FAF1: variants seen among roughly 807,000 people sequenced by gnomAD.
FAF1 encodes FAS-associated factor 1.
A neutral mutation model predicts 92.5 loss-of-function variants in FAF1; 25 were observed. The observed-to-expected ratio is 0.27, with a 90% CI of 0.20 to 0.38. The LOEUF is 0.38. Ranked by LOEUF, FAF1 falls within the 10% of genes least tolerant of loss-of-function variation. The pLI is 1.00. For missense variants in FAF1, 636 were observed against 793.3 expected, an observed-to-expected ratio of 0.80 and a Z score of 2.38; for synonymous variants, 234 against 273.2, an observed-to-expected ratio of 0.86 and a Z score of 1.42.
rs11485521 is a variant in FAF1, at chr1:50,890,996, C to T, written c.46-32999G>A. On this transcript the variant is annotated intron_variant, in intron 1 of 18. Coordinates refer to ENST00000396153, the MANE Select transcript of FAF1 (RefSeq NM_007051.3). ...ATTCTCCCCGTCACTTTCAGGTACACCAATCAAACGTAGATTTGGTCTTTT... is the reference window on the plus strand; with the variant it reads ...ATTCTCCCCGTCACTTTCAGGTACATCAATCAAACGTAGATTTGGTCTTTT... Among the ~76,000 whole-genome samples the T allele has an allele frequency of 9.9e-3, 1,509 of 152,328 alleles. 23 individuals are homozygous for T. Among genetic ancestry groups the T allele is most frequent in the African/African-American group, 0.034 (1,432 of 41,556 alleles).
rs147776271 is a variant in FAF1 at position 50,757,230 on chromosome 1, T to C, written c.368-12455A>G. Among the ~76,000 whole-genome samples, 58 of 152,194 alleles carry C rather than the reference T, an allele frequency of 3.8e-4. No homozygotes were observed. The East Asian group carries it at 8.9e-3, about 23-fold the overall frequency. On this transcript the variant is annotated intron_variant, in intron 4 of 18. Coordinates refer to ENST00000396153, the MANE Select transcript of FAF1 (RefSeq NM_007051.3). ...CTTTTGCTGTTATAATGAGGAGTAT[T>C]ATATACATTTTAAGTAAGTCAAATT... is the stretch of plus-strand genomic sequence containing the variant.
chr1:50,481,222 G>T (rs966289296), intron 17 of FAF1, among the ~76,000 whole-genome samples: 2 of 152,088 alleles, frequency 1.3e-5, no homozygotes, highest in African/African-American at 4.8e-5. Context: ...ACCTAGTGTG[G>T]CCTAAGTGTA....
At chr1:50,682,801 G>A (rs979144932) in intron 7 of FAF1, among the ~76,000 whole-genome samples, 1 of 152,080 alleles carries the variant, frequency 6.6e-6, no homozygotes, top group African/African-American at 2.4e-5. Flanking sequence ...TTAGTGTTAA[G>A]ATCTGAATAT....
chr1:50,872,432 G>A (rs1026122215), intron 1 of FAF1, among the ~76,000 whole-genome samples: 2 of 152,140 alleles, frequency 1.3e-5, no homozygotes, highest in African/African-American at 4.8e-5. Flanking sequence ...TTATGGATGA[G>A]CAAAAAAAGT....
chr1:50,709,161 C>T (rs1167931682), intron 6 of FAF1, among the ~76,000 whole-genome samples: 5 of 152,192 alleles, frequency 3.3e-5, no homozygotes, highest in Non-Finnish European at 5.9e-5. Context: ...AACAAGCTCA[C>T]TACAATCTTT....
intron 12 of FAF1, among the ~76,000 whole-genome samples, chr1:50,579,242 C>A (rs1484808246): frequency 6.6e-6 from 1 of 152,056 alleles, no homozygotes; most frequent in African/African-American, 2.4e-5. Context: ...CTACGATATA[C>A]TGTATTTTTA....
intron 9 of FAF1, among the ~76,000 whole-genome samples, chr1:50,591,500 C>T (rs1008918706): frequency 6.6e-6 from 1 of 152,050 alleles, no homozygotes; most frequent in African/African-American, 2.4e-5. Context: ...GGCGAAACCT[C>T]GTCTCTACTA....
At chr1:50,600,102 C>T (rs907521539) in intron 8 of FAF1, among the ~76,000 whole-genome samples, 1 of 152,142 alleles carries the variant, frequency 6.6e-6, no homozygotes, top group African/African-American at 2.4e-5. Context: ...ACTACTACTT[C>T]AAGGAACAGG....
intron 9 of FAF1, among the ~76,000 whole-genome samples, chr1:50,594,871 C>CA (rs1179619100): frequency 4.4e-3 from 418 of 95,154 alleles, no homozygotes; most frequent in Middle Eastern, 0.012. Flanking sequence ...AACCCCATCT[C>CA]AAAAAAAAAA....
intron 6 of FAF1, among the ~76,000 whole-genome samples, chr1:50,707,411 A>G (rs1269445970): frequency 7.2e-5 from 11 of 152,006 alleles, no homozygotes; most frequent in Admixed American, 7.2e-4. Context: ...AAAATTAAGC[A>G]TAATGGGCTG....
intron 8 of FAF1, among the ~76,000 whole-genome samples, chr1:50,611,375 G>A (rs934104425): frequency 6.6e-6 from 1 of 152,122 alleles, no homozygotes; most frequent in Non-Finnish European, 1.5e-5. Context: ...ACCCTTAAAT[G>A]TGCTTCAAGC....
intron 18 of FAF1, among the ~76,000 whole-genome samples, chr1:50,457,724 C>CAAAAAAAAAAAAAAAAAAAAAAAAAAAAA (rs35479561): frequency 4.8e-4 from 27 of 56,548 alleles, no homozygotes; most frequent in Non-Finnish European, 5.7e-4. Context: ...CCCATCTCTG[C>CAAAAAAAAAAAAAAAAAAAAAAAAAAAAA]AAAAAAAAAA....
intron 15 of FAF1, among the ~76,000 whole-genome samples, chr1:50,533,570 A>C (rs1648299317): frequency 1.3e-5 from 2 of 152,184 alleles, no homozygotes. Flanking sequence ...ATACAGCGAT[A>C]AATAAACTAA....
chr1:50,959,091 C>CACCA (rs1381852545), intron 1 of FAF1, among the ~76,000 whole-genome samples: 1 of 152,188 alleles, frequency 6.6e-6, no homozygotes, highest in Admixed American at 6.5e-5. Flanking sequence ...GGAGAAAGGA[C>CACCA]ACCAACCAAG....
chr1:50,520,268 AG>A (rs2149029384), intron 15 of FAF1, among the ~76,000 whole-genome samples: 1 of 152,308 alleles, frequency 6.6e-6, no homozygotes, highest in African/African-American at 2.4e-5. Flanking sequence ...TGTAACTGGA[AG>A]AAAAATGCCA....
chr1:50,921,827 C>A (rs1378266736), intron 1 of FAF1, among the ~76,000 whole-genome samples: 1 of 151,926 alleles, frequency 6.6e-6, no homozygotes, highest in Non-Finnish European at 1.5e-5. Context: ...AGAGAGCAGA[C>A]ACACAAATGA....
chr1:50,675,198 T>C (rs1281695559), intron 7 of FAF1, among the ~76,000 whole-genome samples: 1 of 152,192 alleles, frequency 6.6e-6, no homozygotes, highest in African/African-American at 2.4e-5. Flanking sequence ...CCAGACCTTG[T>C]ACATTTTCAA....
chr1:50,472,364 AACAT>A (rs761276728), intron 18 of FAF1, among the ~76,000 whole-genome samples: 13 of 90,180 alleles, frequency 1.4e-4, no homozygotes, highest in Middle Eastern at 5.9e-3. Flanking sequence ...AATTGGGGAA[AACAT>A]ACACACACAC....
chr1:50,441,630 C>A, intron 18 of FAF1, 107 bp from the exon 19 acceptor site: 1 of 539,332 alleles, frequency 1.9e-6, no homozygotes, highest in East Asian at 3.3e-5. Flanking sequence ...TGCACTGGCA[C>A]GAAGAGTCTC....
Sources: gnomAD v4.1 joint callset for allele counts (sites outside exome capture counted in the v4.1 genomes callset) on GRCh38, gnomAD v4.1.1 for gene constraint, MANE v1.5 for transcripts, NCBI Gene and HGNC (gene_info 2026-07-23, HGNC 2026-07-21) for gene names.